Variants in TIAM2 observed in about 807,000 individuals in gnomAD.
TIAM2 encodes the protein TIAM Rac1 associated GEF 2.
A neutral mutation model predicts 152.9 loss-of-function variants in TIAM2; 80 were observed. The ratio of observed to expected loss-of-function variants is 0.52; its 90% confidence interval spans 0.44 to 0.63. The LOEUF (loss-of-function observed/expected upper bound fraction) is 0.63. Ranked by LOEUF, TIAM2 falls within the 30% of genes least tolerant of loss-of-function variation. The pLI is 0.00. For synonymous variants in TIAM2, 804 were observed against 838.0 expected, an observed-to-expected ratio of 0.96 and a Z score of 0.70; for missense variants, 1,965 against 2,120.1, an observed-to-expected ratio of 0.93 and a Z score of 1.44.
intron 1 of TIAM2, among the ~76,000 whole-genome samples, chr6:155,026,793 T>G (rs1192564691): frequency 1.3e-5 from 2 of 152,216 alleles, no homozygotes; most frequent in Non-Finnish European, 2.9e-5. Context: ...GGTGAGAAGC[T>G]AGAAGAAATG....
Position 155,129,383 on chromosome 6 carries a change from G to T in TIAM2, c.160G>T (p.Gly54Cys). 1 of 1,614,178 alleles carries T rather than the reference G, an allele frequency of 6.2e-7. No individual in the cohort carries two copies. Among genetic ancestry groups the T allele is most frequent in the Admixed American group, 1.7e-5 (1 of 60,016 alleles). Residue 54 changes from glycine (G) to cysteine (C), a missense_variant, in exon 4 of 27, where the codon GGT becomes TGT. Transcript: ENST00000682666. This position sits in a 1 kb window ranked among gnomAD's most constrained non-coding sequence, Gnocchi z 4.8. ...HGWGHGSNGAGYKSRSLARSC... is the reference protein window; with the variant it reads ...HGWGHGSNGACYKSRSLARSC... ...ATGGGGTCACGGAAGCAACGGAGCAGGTTACAAGTCCAGGTCCCTGGCCCG... is the reference window on the plus strand; with the variant it reads ...ATGGGGTCACGGAAGCAACGGAGCATGTTACAAGTCCAGGTCCCTGGCCCG...
intron 1 of TIAM2, among the ~76,000 whole-genome samples, chr6:155,080,316 C>T (rs187848779): frequency 2.3e-4 from 35 of 151,988 alleles, no homozygotes; most frequent in Non-Finnish European, 2.9e-4. Flanking sequence ...AAAACACTTA[C>T]GGAGAGTGCT....
At chr6:155,067,469 T>C (rs898734552) in intron 1 of TIAM2, among the ~76,000 whole-genome samples, 1 of 152,170 alleles carries the variant, frequency 6.6e-6, no homozygotes, top group Non-Finnish European at 1.5e-5. Context: ...GAGGTCCATG[T>C]CTCCAAGAAA....
Position 155,158,968 on chromosome 6 carries a change from G to A in TIAM2, c.2029-5447G>A, listed in dbSNP as rs562513684. ...TCTCCAGAAACACCTTGATAAATGT[G>A]GTCAGGTAATACATTACTATTTTGG... On this transcript the variant is annotated intron_variant, in intron 7 of 26. Coordinates refer to ENST00000682666, the MANE Select transcript of TIAM2 (RefSeq NM_012454.4). 4.2e-3 allele frequency among the ~76,000 whole-genome samples: 642 copies of A among 152,094 alleles called. 6 individuals are homozygous for A. The highest frequency in any genetic ancestry group is 0.014 in the African/African-American group (594 of 41,494).
intron 12 of TIAM2, among the ~76,000 whole-genome samples, chr6:155,181,933 C>T (rs1420377287): frequency 1.3e-5 from 2 of 152,220 alleles, no homozygotes; most frequent in Non-Finnish European, 2.9e-5. Context: ...TATTGACAGA[C>T]AGTTGGGTTA....
intron 1 of TIAM2, among the ~76,000 whole-genome samples, chr6:155,004,397 TTTTG>T (rs1388849182): frequency 6.6e-6 from 1 of 152,056 alleles, no homozygotes; most frequent in Non-Finnish European, 1.5e-5. Flanking sequence ...ATCTTTCTGT[TTTTG>T]TTTGTTTTAG....
intron 10 of TIAM2, among the ~76,000 whole-genome samples, chr6:155,177,381 G>A (rs532128446): frequency 3.9e-5 from 6 of 152,246 alleles, no homozygotes; most frequent in Middle Eastern, 3.4e-3. Context: ...GATTAAACAC[G>A]AAACTTGATA....
At chr6:155,189,914 G>C (rs1279221487) in intron 14 of TIAM2, among the ~76,000 whole-genome samples, 1 of 152,128 alleles carries the variant, frequency 6.6e-6, no homozygotes, top group African/African-American at 2.4e-5. Context: ...TGGACCTGGA[G>C]GTGTGTGGTG....
At chr6:155,002,344 G>C (rs1019126716) in intron 1 of TIAM2, among the ~76,000 whole-genome samples, 1 of 152,158 alleles carries the variant, frequency 6.6e-6, no homozygotes, top group Non-Finnish European at 1.5e-5. Context: ...CCAGGAGGTC[G>C]AGGCAACAGT....
intron 1 of TIAM2, among the ~76,000 whole-genome samples, chr6:155,000,065 CAGTAAG>C (rs1778288032): frequency 1.3e-5 from 2 of 152,164 alleles, no homozygotes; most frequent in African/African-American, 4.8e-5. Context: ...GAACAATGAA[CAGTAAG>C]AGGAGTTAGA....
intron 10 of TIAM2, 132 bp from the exon 11 acceptor site, chr6:155,178,907 T>C (rs1228004045): frequency 1.2e-5 from 9 of 726,328 alleles, no homozygotes; most frequent in Non-Finnish European, 1.8e-5. Context: ...AGCTCTTATA[T>C]AGGTTTAAAT....
chr6:155,217,036 C>G (rs919934869), intron 15 of TIAM2: 34 of 1,288,552 alleles, frequency 2.6e-5, no homozygotes, highest in Non-Finnish European at 3.3e-5. Context: ...TAGATGTGAT[C>G]CGTTCTCCCA....
chr6:155,024,831 G>A (rs1776568476), intron 1 of TIAM2, among the ~76,000 whole-genome samples: 1 of 152,096 alleles, frequency 6.6e-6, no homozygotes, highest in South Asian at 2.1e-4. Context: ...TAGGATCACA[G>A]CTTTTATTTA....
At chr6:155,138,789 T>G (rs1489674674) in intron 5 of TIAM2, among the ~76,000 whole-genome samples, 1 of 152,210 alleles carries the variant, frequency 6.6e-6, no homozygotes, top group East Asian at 1.9e-4. Flanking sequence ...GGCTGCATAG[T>G]ATTCTGTGGT....
chr6:155,036,516 GAAAAA>G (rs992356519), intron 1 of TIAM2, among the ~76,000 whole-genome samples: 6 of 63,284 alleles, frequency 9.5e-5, no homozygotes, highest in African/African-American at 2.4e-4. Flanking sequence ...TCTCAAAAAA[GAAAAA>G]AAAAAAAAAA....
chr6:155,072,936 G>C lies in TIAM2; in HGVS notation c.-208-17353G>C, dbSNP rs146453790. On this transcript the variant is annotated intron_variant, in intron 1 of 26. Transcript: ENST00000682666. ...GGTTCGTCCTTATTTTGGATTATGT[G>C]ATGAATGAAAAGTGTTACTAAAGAT... 3.3e-5 allele frequency among the ~76,000 whole-genome samples: 5 copies of C among 152,260 alleles called. No homozygotes were observed. The East Asian group carries it at 9.7e-4, about 29-fold the overall frequency.
At chr6:154,996,369 C>CTT (rs1778211793) in intron 1 of TIAM2, among the ~76,000 whole-genome samples, 1 of 152,052 alleles carries the variant, frequency 6.6e-6, no homozygotes, top group African/African-American at 2.4e-5. Flanking sequence ...GGGAGGTTTT[C>CTT]CTGCTTTTCT....
intron 21 of TIAM2, 86 bp from the exon 22 acceptor site, chr6:155,250,827 A>G (rs951435706): frequency 9.5e-6 from 13 of 1,375,572 alleles, no homozygotes; most frequent in Middle Eastern, 1.8e-4. Flanking sequence ...CATTTTAGCA[A>G]TGACTGTGTG....
Position 155,137,248 on chromosome 6 carries a change from A to T in TIAM2, c.1266A>T (p.Gly422=). ...RSDGLNTDVQ[G]SSQASAFLWS... is the part of the protein sequence containing the mutation. ...ATGGACTGAATACAGATGTGCAGGG[A>T]TCCTCCCAGGCATCTGCTTTTCTGT... The change falls in exon 5 of 27, where the codon GGA becomes GGT. Residue 422 remains glycine, a synonymous_variant. Coordinates refer to ENST00000682666, the MANE Select transcript of TIAM2 (RefSeq NM_012454.4). 1 of 1,614,146 alleles carries T rather than the reference A, an allele frequency of 6.2e-7. No individual in the cohort carries two copies. Among genetic ancestry groups the T allele is most frequent in the African/African-American group, 1.3e-5 (1 of 75,014 alleles).
Sources: allele counts gnomAD v4.1 joint callset (sites outside exome capture counted in the v4.1 genomes callset), GRCh38; gene constraint gnomAD v4.1.1; non-coding constraint Gnocchi (gnomAD v3.1); transcripts MANE v1.5; gene names NCBI Gene and HGNC (gene_info 2026-07-23, HGNC 2026-07-21).